The following ARHGAP26 variants were observed in gnomAD, a reference collection of about 807,000 sequenced individuals.
ARHGAP26 encodes the protein Rho GTPase activating protein 26, also known as rho GTPase-activating protein 26.
A neutral mutation model predicts 104.8 loss-of-function variants in ARHGAP26; 38 were observed. The observed-to-expected ratio is 0.36, with a 90% CI of 0.28 to 0.48. ARHGAP26 has a LOEUF of 0.48. ARHGAP26 is among the 20% of genes least tolerant of loss of function. The pLI is 0.99. For missense variants in ARHGAP26, 704 were observed against 947.9 expected, an observed-to-expected ratio of 0.74 and a Z score of 3.38; for synonymous variants, 341 against 340.0, an observed-to-expected ratio of 1.00 and a Z score of -0.03.
chr5:143,081,653 G>A lies in ARHGAP26; in HGVS notation c.1538+23906G>A, dbSNP rs1300523892. Among the ~76,000 whole-genome samples, 3 of 152,312 alleles carry A rather than the reference G, an allele frequency of 2.0e-5. No homozygotes were observed. In the South Asian group the frequency reaches 6.2e-4, roughly 32 times the overall value. On this transcript the variant is annotated intron_variant, in intron 17 of 22. Transcript: ENST00000645722. ...TAATAGGATCCATCTCAGAGTCAGT[G>A]TTGTCAAGATTGAGTTGATGCATGC... is the stretch of plus-strand genomic sequence containing the variant.
At chr5:142,958,785 T>A (rs1769672101) in intron 11 of ARHGAP26, among the ~76,000 whole-genome samples, 1 of 151,214 alleles carries the variant, frequency 6.6e-6, no homozygotes, top group East Asian at 2.0e-4. Flanking sequence ...AAATTCAACA[T>A]AGGCCGGGTG....
At chr5:142,801,429 C>G (rs1482237916) in intron 1 of ARHGAP26, among the ~76,000 whole-genome samples, 1 of 151,944 alleles carries the variant, frequency 6.6e-6, no homozygotes, top group East Asian at 1.9e-4. Context: ...GTGCCACCAT[C>G]TCTTTTTTTT....
At chr5:142,995,332 C>A (rs756486150) in intron 11 of ARHGAP26, among the ~76,000 whole-genome samples, 5 of 152,018 alleles carry the variant, frequency 3.3e-5, no homozygotes, top group Non-Finnish European at 7.4e-5. Context: ...AAAAACAACC[C>A]CATCAAAAAG....
At chr5:143,003,121 G>A (rs959505454) in intron 11 of ARHGAP26, among the ~76,000 whole-genome samples, 26 of 152,210 alleles carry the variant, frequency 1.7e-4, no homozygotes, top group Admixed American at 9.8e-4. Flanking sequence ...ACAACAATCA[G>A]TGTTAATAAT....
At chr5:143,005,008 G>A (rs771033789) in intron 11 of ARHGAP26, among the ~76,000 whole-genome samples, 7 of 152,052 alleles carry the variant, frequency 4.6e-5, no homozygotes, top group Admixed American at 1.3e-4. Flanking sequence ...ACAGTTTCTC[G>A]TTCAACTTTG....
chr5:142,802,554 A>C (rs534429339), intron 1 of ARHGAP26, among the ~76,000 whole-genome samples: 2 of 152,194 alleles, frequency 1.3e-5, no homozygotes, highest in Non-Finnish European at 2.9e-5. Context: ...TTTTACTTAA[A>C]GTTGCAGTTT....
At chr5:143,221,785 G>A (rs753202928) in intron 22 of ARHGAP26, among the ~76,000 whole-genome samples, 5 of 152,120 alleles carry the variant, frequency 3.3e-5, no homozygotes, top group Non-Finnish European at 5.9e-5. Context: ...AGCCTCCCAA[G>A]GTACTGGCAT....
chr5:142,770,901 T>A lies in ARHGAP26; in HGVS notation c.140T>A (p.Ile47Lys). 1 of 1,608,750 alleles carries A rather than the reference T, an allele frequency of 6.2e-7. No homozygotes were observed. The highest frequency in any genetic ancestry group is 2.3e-5 in the East Asian group (1 of 44,106). ...KELIKDGKSLISALKNLSSAK... is the reference protein window; with the variant it reads ...KELIKDGKSLKSALKNLSSAK... ...CTCATCAAGGACGGGAAGTCACTCA[T>A]AAGCGCGCTCAAGAGTGAGTGTCCC... is the stretch of plus-strand genomic sequence containing the variant. Residue 47 changes from isoleucine (I) to lysine (K), a missense_variant, in exon 1 of 23, where the codon ATA becomes AAA. By Grantham distance (102) the Ile-to-Lys change is moderately radical (BLOSUM62 -3). Transcript: ENST00000645722.
At chr5:142,784,734 C>A (rs764282851) in intron 1 of ARHGAP26, among the ~76,000 whole-genome samples, 1 of 152,052 alleles carries the variant, frequency 6.6e-6, no homozygotes, top group African/African-American at 2.4e-5. Context: ...ACAATTCACA[C>A]GACACAATTT....
chr5:142,817,659 A>G (rs942970544), intron 1 of ARHGAP26, among the ~76,000 whole-genome samples: 2 of 152,058 alleles, frequency 1.3e-5, no homozygotes, highest in Non-Finnish European at 2.9e-5. Flanking sequence ...GTAAGTGCCC[A>G]CCTCTCATGA....
chr5:143,065,401 T>C (rs1324992252), intron 17 of ARHGAP26, among the ~76,000 whole-genome samples: 2 of 152,190 alleles, frequency 1.3e-5, no homozygotes, highest in East Asian at 3.8e-4. Context: ...TCACCAGCTC[T>C]TCAGAACAAT....
At chr5:143,142,986 A>G (rs1159348362) in intron 19 of ARHGAP26, among the ~76,000 whole-genome samples, 1 of 151,224 alleles carries the variant, frequency 6.6e-6, no homozygotes, top group Non-Finnish European at 1.5e-5. Flanking sequence ...CTGTCTGGTA[A>G]CTCCCTTTTC....
intron 20 of ARHGAP26, among the ~76,000 whole-genome samples, chr5:143,179,434 C>T (rs1803979413): frequency 6.6e-6 from 1 of 152,194 alleles, no homozygotes; most frequent in South Asian, 2.1e-4. Flanking sequence ...GGTTGCGTTG[C>T]TTTTTGTGAC....
At position 143,222,470 on chromosome 5, in the gene ARHGAP26, G is replaced by A; in HGVS notation, c.*24G>A. 1.3e-6 allele frequency: 2 copies of A among 1,565,386 alleles called. No homozygotes were observed. Among genetic ancestry groups the A allele is most frequent in the Non-Finnish European group, 1.7e-6 (2 of 1,147,334 alleles). ...AACCGTGGGCCCCAGCAGAACTGCTGAGCTTTACATGGTATCCATGACAAC... is the reference window on the plus strand; with the variant it reads ...AACCGTGGGCCCCAGCAGAACTGCTAAGCTTTACATGGTATCCATGACAAC... On this transcript the variant is annotated 3_prime_UTR_variant, in exon 23 of 23. Coordinates refer to ENST00000645722, the MANE Select transcript of ARHGAP26 (RefSeq NM_001135608.3).
At chr5:143,191,286 A>G (rs2151254401) in intron 20 of ARHGAP26, among the ~76,000 whole-genome samples, 1 of 152,378 alleles carries the variant, frequency 6.6e-6, no homozygotes, top group South Asian at 2.1e-4. Context: ...TAGTGTAGAC[A>G]AATGATACCA....
intron 19 of ARHGAP26, among the ~76,000 whole-genome samples, chr5:143,136,082 C>G (rs1562488652): frequency 6.6e-6 from 1 of 151,746 alleles, no homozygotes; most frequent in African/African-American, 2.4e-5. Context: ...AGAGGCTAGA[C>G]AGTATTGGTA....
At chr5:142,934,850 T>C (rs1245027296) in intron 11 of ARHGAP26, among the ~76,000 whole-genome samples, 1 of 152,106 alleles carries the variant, frequency 6.6e-6, no homozygotes, top group African/African-American at 2.4e-5. Context: ...GATGGTTGGT[T>C]GAAAAACAAA....
intron 11 of ARHGAP26, among the ~76,000 whole-genome samples, chr5:142,951,431 G>A (rs190137728): frequency 5.9e-4 from 90 of 152,284 alleles, no homozygotes; most frequent in Non-Finnish European, 7.4e-5. Flanking sequence ...AGAGAAAAGA[G>A]GAAGCACCAA....
At chr5:143,077,718 A>C (rs989868110) in intron 17 of ARHGAP26, among the ~76,000 whole-genome samples, 6 of 152,198 alleles carry the variant, frequency 3.9e-5, no homozygotes, top group African/African-American at 1.4e-4. Flanking sequence ...GATGGGTCTG[A>C]AATGTCTGAC....
Sources: gnomAD v4.1 joint callset for allele counts (sites outside exome capture counted in the v4.1 genomes callset) on GRCh38, gnomAD v4.1.1 for gene constraint, MANE v1.5 for transcripts, NCBI Gene and HGNC (gene_info 2026-07-23, HGNC 2026-07-21) for gene names.